The following RORB variants were observed in gnomAD, a reference collection of about 807,000 sequenced individuals.
RORB encodes the protein nuclear receptor ROR-beta.
A neutral mutation model predicts 59.1 loss-of-function variants in RORB; 6 were observed. That is an observed-to-expected ratio of 0.10 (90% CI 0.06 to 0.20). RORB has a LOEUF of 0.20. Among genes scored for constraint, RORB ranks in the 10% least tolerant of loss-of-function variants. The pLI, the probability that RORB is intolerant of heterozygous loss-of-function variation, is 1.00. For missense variants in RORB, 320 were observed against 560.5 expected (o/e 0.57, Z 4.33); for synonymous variants, 215 against 204.5 (o/e 1.05, Z -0.44).
chr9:74,646,470 G>A lies in RORB; in HGVS notation c.637+3655G>A, dbSNP rs141824163. On this transcript the variant is annotated intron_variant, in intron 4 of 9. Transcript: ENST00000376896. ...CTTGTCTTGCTGAAAGTTCACCAAC[G>A]AAACTACAAAATTCCTAGGTTAAGG... Among the ~76,000 whole-genome samples, 18 of 152,234 alleles carry A rather than the reference G, an allele frequency of 1.2e-4. 1 individual carries two copies. In the East Asian group the frequency reaches 3.1e-3, roughly 26 times the overall value.
chr9:74,533,399 A>G (rs1826275668), intron 1 of RORB, among the ~76,000 whole-genome samples: 1 of 152,002 alleles, frequency 6.6e-6, no homozygotes, highest in Non-Finnish European at 1.5e-5. Context: ...GTTCTGTAAA[A>G]TGTCCTGAAA....
chr9:74,601,763 A>G (rs1823060504), intron 1 of RORB, among the ~76,000 whole-genome samples: 1 of 152,148 alleles, frequency 6.6e-6, no homozygotes, highest in Admixed American at 6.5e-5. Flanking sequence ...AGTTGTAGTC[A>G]TGTGGGCACT....
chr9:74,632,221 A>C (rs1234325757), intron 2 of RORB, among the ~76,000 whole-genome samples: 2 of 152,204 alleles, frequency 1.3e-5, no homozygotes, highest in African/African-American at 4.8e-5. Context: ...ATAGCCAAGA[A>C]CAAGTGTCAT....
chr9:74,607,557 T>C (rs1323365), intron 1 of RORB, among the ~76,000 whole-genome samples: 117,629 of 151,852 alleles, frequency 0.77, 46,070 homozygotes, highest in East Asian at 0.93. Flanking sequence ...CAGGGAAAGA[T>C]ACATTTCATA....
intron 9 of RORB, among the ~76,000 whole-genome samples, chr9:74,676,698 A>C (rs112757697): frequency 2.6e-5 from 4 of 152,336 alleles, no homozygotes; most frequent in African/African-American, 9.6e-5. Context: ...GCTGAAGTTC[A>C]CAATCTCCCT....
intron 1 of RORB, among the ~76,000 whole-genome samples, chr9:74,625,388 C>A (rs940751606): frequency 6.6e-6 from 1 of 152,112 alleles, no homozygotes; most frequent in African/African-American, 2.4e-5. Flanking sequence ...GCAAGGCAAG[C>A]GGATCACTTG....
At chr9:74,539,579 A>G (rs1445718765) in intron 1 of RORB, among the ~76,000 whole-genome samples, 2 of 152,178 alleles carry the variant, frequency 1.3e-5, no homozygotes, top group African/African-American at 4.8e-5. Flanking sequence ...AAGAAGCCAG[A>G]AAACGTTCTT....
chr9:74,612,827 T>C (rs1823252251), intron 1 of RORB, among the ~76,000 whole-genome samples: 1 of 152,132 alleles, frequency 6.6e-6, no homozygotes, highest in Non-Finnish European at 1.5e-5. Context: ...ATATTTGGTA[T>C]CCCCCAGATC....
Position 74,642,580 on chromosome 9 carries a change from C to T in RORB, c.402C>T (p.Asn134=), listed in dbSNP as rs370202250. 33 of 1,614,198 alleles carry T rather than the reference C, an allele frequency of 2.0e-5. No homozygotes were observed. Among genetic ancestry groups the T allele is most frequent in the Admixed American group, 3.3e-5 (2 of 60,018 alleles). The change falls in exon 4 of 10, where the codon AAC becomes AAT. Residue 134 remains asparagine (N), a synonymous_variant. Transcript: ENST00000376896. ...TTAGCAACGGCCTGAGCAACCTGAA[C>T]AACGAGACCAGCGGCACTTATGCCA... ...SSISNGLSNL[N]NETSGTYANG...
At chr9:74,584,365 C>A (rs1822767223) in intron 1 of RORB, among the ~76,000 whole-genome samples, 1 of 152,168 alleles carries the variant, frequency 6.6e-6, no homozygotes, top group Non-Finnish European at 1.5e-5. Flanking sequence ...CTCTCTATGC[C>A]TCTCAGTTTT....
intron 1 of RORB, among the ~76,000 whole-genome samples, chr9:74,621,836 C>T (rs771353460): frequency 2.0e-5 from 3 of 152,278 alleles, no homozygotes; most frequent in African/African-American, 2.4e-5. Context: ...TATTCAGCAT[C>T]TTTTCATATG....
intron 5 of RORB, among the ~76,000 whole-genome samples, chr9:74,661,152 G>A (rs1048555890): frequency 3.3e-5 from 5 of 152,130 alleles, no homozygotes; most frequent in Admixed American, 6.5e-5. Flanking sequence ...ATGGAACAAG[G>A]CTTTCTAAAG....
chr9:74,558,024 T>C (rs891928459), intron 1 of RORB, among the ~76,000 whole-genome samples: 6 of 152,176 alleles, frequency 3.9e-5, no homozygotes, highest in Non-Finnish European at 8.8e-5. Context: ...TGGCCTGTCA[T>C]AGTCCTACCC....
intron 9 of RORB, 51 bp from the exon 10 acceptor site, chr9:74,685,412 G>T (rs375877495): frequency 6.7e-7 from 1 of 1,482,996 alleles, no homozygotes; most frequent in Non-Finnish European, 9.2e-7. Context: ...CACAGACAGA[G>T]CACTAATGAG....
chr9:74,549,477 G>C (rs1414824198), intron 1 of RORB, among the ~76,000 whole-genome samples: 6 of 133,016 alleles, frequency 4.5e-5, no homozygotes, highest in Non-Finnish European at 7.9e-5. Flanking sequence ...AGAGAGAGAG[G>C]TAGGGAGGGA....
intron 9 of RORB, among the ~76,000 whole-genome samples, chr9:74,679,396 G>A (rs901901222): frequency 6.6e-6 from 1 of 152,144 alleles, no homozygotes; most frequent in South Asian, 2.1e-4. Flanking sequence ...GGTAAAACTG[G>A]CATCCCCAAA....
At chr9:74,640,519 G>A (rs551286600) in intron 3 of RORB, among the ~76,000 whole-genome samples, 7 of 152,108 alleles carry the variant, frequency 4.6e-5, no homozygotes, top group East Asian at 1.9e-4. Context: ...TCCTGACCTC[G>A]TGATCTGCCC....
At chr9:74,569,064 A>C (rs182731222) in intron 1 of RORB, among the ~76,000 whole-genome samples, 106 of 152,222 alleles carry the variant, frequency 7.0e-4, no homozygotes, top group Middle Eastern at 3.4e-3. Flanking sequence ...TGCTAGGATA[A>C]ATATAAACCA....
At chr9:74,661,636 C>CTTT (rs779927558) in intron 5 of RORB, among the ~76,000 whole-genome samples, 1,215 of 79,624 alleles carry the variant, frequency 0.015, 140 homozygotes, top group African/African-American at 0.051. Context: ...TTCTTTTTTC[C>CTTT]TTTTTTTTTT....
Sources: allele counts gnomAD v4.1 joint callset (sites outside exome capture counted in the v4.1 genomes callset), GRCh38; gene constraint gnomAD v4.1.1; transcripts MANE v1.5; gene names NCBI Gene and HGNC (gene_info 2026-07-23, HGNC 2026-07-21).